The following RXFP1 variants were observed in gnomAD, a reference collection of about 807,000 sequenced individuals.
RXFP1 encodes relaxin receptor 1.
A neutral mutation model predicts 89.8 loss-of-function variants in RXFP1; 73 were observed. The observed-to-expected ratio is 0.81, with a 90% CI of 0.67 to 0.99. RXFP1 has a LOEUF of 0.99. Among genes scored for constraint, RXFP1 ranks in the 50% least tolerant of loss-of-function variants. RXFP1 has a pLI of 0.00. For missense variants in RXFP1, 793 were observed against 895.5 expected, an observed-to-expected ratio of 0.89 and a Z score of 1.46; for synonymous variants, 277 against 305.5, an observed-to-expected ratio of 0.91 and a Z score of 0.97.
chr4:158,616,517 C>G (rs1764596144), intron 8 of RXFP1, among the ~76,000 whole-genome samples: 1 of 148,668 alleles, frequency 6.7e-6, no homozygotes, highest in East Asian at 2.0e-4. Flanking sequence ...TTTAAATCAT[C>G]TCCTTTCCAC....
At chr4:158,570,758 C>T (rs1754879874) in intron 1 of RXFP1, among the ~76,000 whole-genome samples, 1 of 152,140 alleles carries the variant, frequency 6.6e-6, no homozygotes, top group African/African-American at 2.4e-5. Flanking sequence ...GGCCCCTTGG[C>T]TTCAAATTCT....
At chr4:158,537,022 T>G (rs889620746) in intron 1 of RXFP1, among the ~76,000 whole-genome samples, 2 of 150,850 alleles carry the variant, frequency 1.3e-5, no homozygotes, top group Admixed American at 6.6e-5. Context: ...TTAGGTTTGG[T>G]GCAAAAGTAA....
intron 4 of RXFP1, among the ~76,000 whole-genome samples, chr4:158,604,846 TAC>T (rs1018620046): frequency 1.6e-4 from 25 of 152,282 alleles, no homozygotes; most frequent in African/African-American, 6.0e-4. Flanking sequence ...TTGTCAGAAT[TAC>T]AGTCATAACC....
chr4:158,541,189 T>C (rs1746518458), intron 1 of RXFP1, among the ~76,000 whole-genome samples: 1 of 152,170 alleles, frequency 6.6e-6, no homozygotes, highest in African/African-American at 2.4e-5. Flanking sequence ...TCAAAGTCTC[T>C]AAATGCCTTT....
rs1018015540 is a variant in RXFP1, at chr4:158,630,582, C to T, written c.899+1873C>T. 3.9e-5 allele frequency among the ~76,000 whole-genome samples: 6 copies of T among 152,244 alleles called. No homozygotes were observed. The East Asian group carries it at 1.2e-3, about 29-fold the overall frequency. ...CAATAACCAACAGTGAACATGAACTCAAAGGGCTTAGTGCATAACCAATGC... is the reference window on the plus strand; with the variant it reads ...CAATAACCAACAGTGAACATGAACTTAAAGGGCTTAGTGCATAACCAATGC... On this transcript the variant is annotated intron_variant, in intron 11 of 17. Coordinates refer to ENST00000307765, the MANE Select transcript of RXFP1 (RefSeq NM_021634.4).
chr4:158,617,445 A>G (rs561971247), intron 9 of RXFP1, among the ~76,000 whole-genome samples: 2 of 150,246 alleles, frequency 1.3e-5, no homozygotes, highest in South Asian at 4.2e-4. Context: ...ATATATATAT[A>G]TACTGGAGCC....
Position 158,648,461 on chromosome 4 carries a change from T to C in RXFP1, c.1757-38T>C, listed in dbSNP as rs749897889. ...ATGTTTGTTCATTTTGAAAGAAATA[T>C]TTCTATGCATTAATAATACTGTTTG... On this transcript the variant is annotated intron_variant, in intron 16 of 17. Transcript: ENST00000307765. 25 of 1,203,242 alleles carry C rather than the reference T, an allele frequency of 2.1e-5. 1 individual carries two copies. The East Asian group carries it at 5.9e-4, about 28-fold the overall frequency. The allele number at this position is 1,203,242 out of a possible 1,614,324, so 74.5% of individuals were successfully genotyped here. A position where few individuals can be genotyped will look rare whatever the true frequency, so the allele number is the denominator to read the frequency against.
chr4:158,643,757 C>CA (rs1447135797), intron 14 of RXFP1, among the ~76,000 whole-genome samples: 1 of 152,032 alleles, frequency 6.6e-6, no homozygotes, highest in African/African-American at 2.4e-5. Context: ...AGGCATGAGC[C>CA]ACTGCTCCCA....
chr4:158,580,042 G>A (rs768309301), intron 2 of RXFP1, among the ~76,000 whole-genome samples: 52 of 152,174 alleles, frequency 3.4e-4, no homozygotes, highest in Non-Finnish European at 7.1e-4. Flanking sequence ...ATGGTCAGGA[G>A]GCAGAAGACG....
rs755189567 is a variant in RXFP1 at position 158,617,174 on chromosome 4, C to T, written c.724C>T (p.Leu242Phe). 18 of 1,610,964 alleles carry T rather than the reference C, an allele frequency of 1.1e-5. No individual in the cohort carries two copies. Among genetic ancestry groups the T allele is most frequent in the East Asian group, 2.2e-5 (1 of 44,660 alleles). Residue 242 changes from leucine (L) to phenylalanine (F), a missense_variant, in exon 9 of 18, where the codon CTC (leucine) becomes TTC (phenylalanine). Leu to Phe is a conservative substitution (Grantham distance 22). Transcript: ENST00000307765. ...NVLTRLPDKP[L>F]CQHMPRLHWL... ...CCTCACCCGTTTACCTGATAAACCT[C>T]TCTGTCAACACATGCCAAGACTACA...
chr4:158,589,058 G>A (rs1217071592), intron 2 of RXFP1, among the ~76,000 whole-genome samples: 1 of 152,198 alleles, frequency 6.6e-6, no homozygotes, highest in East Asian at 1.9e-4. Flanking sequence ...GAGGACTCAG[G>A]AAACTTACAA....
chr4:158,527,295 C>T (rs1043269086), intron 1 of RXFP1, among the ~76,000 whole-genome samples: 2 of 151,896 alleles, frequency 1.3e-5, no homozygotes, highest in Non-Finnish European at 2.9e-5. Flanking sequence ...GTAATCCCAG[C>T]ACTTTGGGAG....
At chr4:158,623,736 T>C (rs1158985769) in intron 9 of RXFP1, among the ~76,000 whole-genome samples, 1 of 152,128 alleles carries the variant, frequency 6.6e-6, no homozygotes, top group African/African-American at 2.4e-5. Flanking sequence ...TGTCTTAAGT[T>C]CTGACTAGGG....
chr4:158,648,358 GA>G, intron 16 of RXFP1, 140 bp from the exon 17 acceptor site: 1 of 534,282 alleles, frequency 1.9e-6, no homozygotes, highest in South Asian at 6.3e-5. Flanking sequence ...TCTTTGTGAA[GA>G]AAAAACCCAC....
At chr4:158,530,641 C>T (rs1743797064) in intron 1 of RXFP1, among the ~76,000 whole-genome samples, 1 of 152,168 alleles carries the variant, frequency 6.6e-6, no homozygotes, top group Non-Finnish European at 1.5e-5. Flanking sequence ...GCTTCTTAAC[C>T]TCCATTTAAC....
At chr4:158,525,514 G>A (rs1742293305) in intron 1 of RXFP1, among the ~76,000 whole-genome samples, 1 of 152,190 alleles carries the variant, frequency 6.6e-6, no homozygotes, top group African/African-American at 2.4e-5. Context: ...GAACTAAATA[G>A]TCTTTCAAGT....
At chr4:158,609,778 G>T (rs1763222316) in intron 6 of RXFP1, among the ~76,000 whole-genome samples, 1 of 152,082 alleles carries the variant, frequency 6.6e-6, no homozygotes, top group Admixed American at 6.5e-5. Context: ...AATCAATATT[G>T]GACTCACTCT....
chr4:158,647,222 T>A (rs769821797), intron 16 of RXFP1, 21 bp downstream of exon 16: 1 of 1,522,016 alleles, frequency 6.6e-7, no homozygotes, highest in Non-Finnish European at 8.8e-7. Context: ...AAGAAACTAA[T>A]GTTCACAAAT....
intron 6 of RXFP1, 84 bp downstream of exon 6, chr4:158,608,127 C>T (rs2150119447): frequency 1.2e-6 from 1 of 862,056 alleles, no homozygotes. Flanking sequence ...CCTCCCTGTC[C>T]ATGACAGTAC....
Sources: allele counts gnomAD v4.1 joint callset (sites outside exome capture counted in the v4.1 genomes callset), GRCh38; gene constraint gnomAD v4.1.1; transcripts MANE v1.5; gene names NCBI Gene and HGNC (gene_info 2026-07-23, HGNC 2026-07-21).